Variants in CCDC106 observed in about 807,000 individuals in gnomAD.
CCDC106 encodes the protein coiled-coil domain-containing protein 106.
In CCDC106, 17 loss-of-function variants were observed where a neutral mutation model predicts 24.7. That is an observed-to-expected ratio of 0.69 (90% confidence interval 0.47 to 1.03). The LOEUF (loss-of-function observed/expected upper bound fraction) is 1.03. Among genes scored for constraint, CCDC106 ranks in the 50% least tolerant of loss-of-function variants. The probability of loss-of-function intolerance (pLI) is 0.00; values close to 1 mark genes in which losing one functional copy is unlikely to be tolerated. For synonymous variants in CCDC106, 211 were observed against 161.3 expected, an observed-to-expected ratio of 1.31 and a Z score of -2.34; for missense variants, 337 against 388.9, an observed-to-expected ratio of 0.87 and a Z score of 1.12.
intron 3 of CCDC106, 167 bp downstream of exon 3, chr19:55,649,751 A>G (rs2123648572): frequency 1.6e-6 from 1 of 628,442 alleles, no homozygotes; most frequent in Non-Finnish European, 2.8e-6. Context: ...CTGCCTCCTC[A>G]CTTGATTCCA....
At chr19:55,651,132 G>C (rs1983229668) in intron 3 of CCDC106, 151 bp from the exon 4 acceptor site, 6 of 655,208 alleles carry the variant, frequency 9.2e-6, no homozygotes, top group South Asian at 8.7e-5. Flanking sequence ...TCAGCCACCA[G>C]CGTCTCTACC....
Position 55,653,007 on chromosome 19 carries a change from C to CT in CCDC106, c.*261_*262insT, listed in dbSNP as rs983337638. 1 of 494,036 alleles carries CT rather than the reference C, an allele frequency of 2.0e-6. No individual in the cohort carries two copies. The highest frequency in any genetic ancestry group is 3.6e-6 in the Non-Finnish European group (1 of 276,296). The allele number at this position is 494,036 out of a possible 1,614,324, so 30.6% of individuals were successfully genotyped here. ...GGAAAACCAGGCAGGCGGGTGCCCC[C>CT]CCCTCGAGTGGGGGACTGTACAGAC... On this transcript the variant is annotated 3_prime_UTR_variant, in exon 5 of 5. Transcript: ENST00000586790.
In CCDC106 at chr19:55,652,411, C is replaced by G. The variant is rs764843493; in HGVS notation, c.527-19C>G. ...TGTGCCCTGCCCCTCACTTTCGTGT[C>G]CCCGCCTCCACCCCTCAGTGAAGGA... is the stretch of plus-strand genomic sequence containing the variant. On this transcript the variant is annotated intron_variant, in intron 4 of 4. Transcript: ENST00000586790. The surrounding 1 kb of genome is among the most constrained non-coding windows in gnomAD (Gnocchi z 5.9). The G allele has an allele frequency of 2.5e-6, 4 of 1,574,820 alleles. No individual in the cohort carries two copies. Among genetic ancestry groups the G allele is most frequent in the South Asian group, 2.3e-5 (2 of 86,968 alleles).
At chr19:55,651,951 C>G (rs749394643) in intron 4 of CCDC106, among the ~76,000 whole-genome samples, 3 of 152,120 alleles carry the variant, frequency 2.0e-5, no homozygotes, top group Non-Finnish European at 4.4e-5. Context: ...CGTGAGCCAC[C>G]GCGCATGGCC....
At chr19:55,651,981 A>C (rs4801526) in intron 4 of CCDC106, among the ~76,000 whole-genome samples, 2 of 151,978 alleles carry the variant, frequency 1.3e-5, no homozygotes, top group South Asian at 2.1e-4. Context: ...TTTACTTTTA[A>C]GTTTTGGTCC....
intron 4 of CCDC106, among the ~76,000 whole-genome samples, chr19:55,651,797 G>A (rs1382060112): frequency 2.0e-5 from 3 of 152,076 alleles, no homozygotes; most frequent in Admixed American, 1.3e-4. Context: ...GAGTAGCTGG[G>A]ACTACAGGCA....
At position 55,648,811 on chromosome 19, in the gene CCDC106, T is replaced by G. The variant is rs1288666706; in HGVS notation, c.-236T>G. On this transcript the variant is annotated 5_prime_UTR_variant, in exon 1 of 5. Coordinates refer to ENST00000586790, the MANE Select transcript of CCDC106 (RefSeq NM_001370470.1). ...CCAGGACCTAGGCGGCTGGGCCCCC[T>G]GCCCCTGACTCCAGGAGCCCAGGAG... 1.7e-6 allele frequency: 1 copy of G among 588,904 alleles called. No homozygotes were observed. Among genetic ancestry groups the G allele is most frequent in the African/African-American group, 1.9e-5 (1 of 53,670 alleles). 36.5% of individuals were successfully genotyped at this position (588,904 alleles called of 1,614,324 possible).
In CCDC106 at chr19:55,648,944, A is replaced by G; in HGVS notation, c.-103A>G. Reference sequence around the variant, plus strand: ...CCTCCTGTCTCACTTCACCTCCCCCAGGATGGACCCTCCAGTCCATCTGCG... The same window carrying G: ...CCTCCTGTCTCACTTCACCTCCCCCGGGATGGACCCTCCAGTCCATCTGCG... On this transcript the variant is annotated 5_prime_UTR_variant, in exon 1 of 5. Transcript: ENST00000586790. 2.6e-6 allele frequency: 3 copies of G among 1,153,122 alleles called. No homozygotes were observed. The highest frequency in any genetic ancestry group is 3.9e-6 in the Non-Finnish European group (3 of 766,126). The allele number at this position is 1,153,122 out of a possible 1,614,324, so 71.4% of individuals were successfully genotyped here.
At chr19:55,647,930 C>G (rs1211532876), upstream of CCDC106, 1 of 152,280 alleles carries the variant, frequency 6.6e-6, no homozygotes, top group Non-Finnish European at 1.5e-5. Flanking sequence ...CTCGCCAGCT[C>G]TCCAGGATGG....
intron 2 of CCDC106, 43 bp downstream of exon 2, chr19:55,649,352 C>T (rs767264002): frequency 4.3e-6 from 7 of 1,612,902 alleles, no homozygotes; most frequent in Non-Finnish European, 5.9e-6. Context: ...AGCTGGGAAG[C>T]CAAGCCCTGA....
chr19:55,652,396 C>T lies in CCDC106; in HGVS notation c.527-34C>T. The T allele has an allele frequency of 2.6e-6, 4 of 1,554,816 alleles. No individual in the cohort carries two copies. The highest frequency in any genetic ancestry group is 2.6e-6 in the Non-Finnish European group (3 of 1,142,856). ...CCGCCCCCTCAGTCTTGTGCCCTGC[C>T]CCTCACTTTCGTGTCCCCGCCTCCA... On this transcript the variant is annotated intron_variant, in intron 4 of 4. Coordinates refer to ENST00000586790, the MANE Select transcript of CCDC106 (RefSeq NM_001370470.1). This position sits in a 1 kb window ranked among gnomAD's most constrained non-coding sequence, Gnocchi z 5.9.
At chr19:55,649,638 C>A in intron 3 of CCDC106, 54 bp downstream of exon 3, 1 of 1,530,258 alleles carries the variant, frequency 6.5e-7, no homozygotes, top group Non-Finnish European at 8.9e-7. Flanking sequence ...ACTGGGTACC[C>A]GCTCACCCAG....
chr19:55,648,318 C>A lies in CCDC106; in HGVS notation c.-729C>A, dbSNP rs1002800272. On this transcript the variant is annotated 5_prime_UTR_variant, in exon 1 of 5. Coordinates refer to ENST00000586790, the MANE Select transcript of CCDC106 (RefSeq NM_001370470.1). ...GGGCCTCGGCCCCTCGGACCCCGGG[C>A]ACCCGCGGGCGGGGGATGGTGGCCG... The A allele has an allele frequency of 6.6e-6, 1 of 152,086 alleles. No homozygotes were observed. Among genetic ancestry groups the A allele is most frequent in the African/African-American group, 2.4e-5 (1 of 41,442 alleles). 9.4% of individuals were successfully genotyped at this position (152,086 alleles called of 1,614,324 possible).
At chr19:55,651,180 C>G in intron 3 of CCDC106, 103 bp from the exon 4 acceptor site, 1 of 896,530 alleles carries the variant, frequency 1.1e-6, no homozygotes, top group Non-Finnish European at 1.9e-6. Flanking sequence ...GGGACCAGCC[C>G]AGGTTGGGGG....
At chr19:55,650,737 C>T (rs1015222982) in intron 3 of CCDC106, among the ~76,000 whole-genome samples, 6 of 152,156 alleles carry the variant, frequency 3.9e-5, no homozygotes, top group Admixed American at 2.0e-4. Context: ...CCTGCGGCTT[C>T]GGCACTTTCC....
Position 55,649,013 on chromosome 19 carries a change from C to T in CCDC106, c.-34C>T, listed in dbSNP as rs747693913. ...CCGTTTCTGTCCAGTGCCCCTGAGG[C>T]CCTCGGCTGCTGGGGTCCGTAGGAA... On this transcript the variant is annotated 5_prime_UTR_variant, in exon 1 of 5. Coordinates refer to ENST00000586790, the MANE Select transcript of CCDC106 (RefSeq NM_001370470.1). The T allele has an allele frequency of 2.5e-5, 41 of 1,610,578 alleles. No individual in the cohort carries two copies. In the Admixed American group the frequency reaches 5.5e-4, roughly 22 times the overall value.
chr19:55,651,743 T>G (rs1262285553), intron 4 of CCDC106, among the ~76,000 whole-genome samples: 1 of 151,734 alleles, frequency 6.6e-6, no homozygotes, highest in Admixed American at 6.6e-5. Context: ...CTCACTGGAA[T>G]CTCCGCCTCC....
At position 55,652,674 on chromosome 19, in the gene CCDC106, G is replaced by A. The variant is rs774127475; in HGVS notation, c.771G>A (p.Glu257=). The A allele has an allele frequency of 6.2e-7, 1 of 1,613,130 alleles. No individual in the cohort carries two copies. Among genetic ancestry groups the A allele is most frequent in the South Asian group, 1.1e-5 (1 of 91,080 alleles). The change falls in exon 5 of 5, where the codon GAG becomes GAA. Residue 257 remains glutamate (E), a synonymous_variant. Transcript: ENST00000586790. This position sits in a 1 kb window ranked among gnomAD's most constrained non-coding sequence, Gnocchi z 5.9. ...SRRCFLALDD[E]TLKKVQALKK... ...GCTGCTTTCTGGCCCTGGACGACGA[G>A]ACGCTCAAGAAGGTGCAGGCGCTCA...
chr19:55,652,579 G>T lies in CCDC106; in HGVS notation c.676G>T (p.Ala226Ser). ...TTPIAELLIV[A>S]PEKLAEVGEF... ...GCCCATCGCCGAGCTGCTCATTGTG[G>T]CCCCCGAGAAGCTGGCCGAGGTGGG... Residue 226 changes from alanine to serine, a missense_variant, in exon 5 of 5, where the codon GCC (alanine) becomes TCC (serine). Around this residue, in one of 2 missense-constraint regions of CCDC106, gnomAD observed 103 missense variants for 152.4 expected, o/e 0.68. Coordinates refer to ENST00000586790, the MANE Select transcript of CCDC106 (RefSeq NM_001370470.1). This position sits in a 1 kb window ranked among gnomAD's most constrained non-coding sequence, Gnocchi z 5.9. 6.2e-7 allele frequency: 1 copy of T among 1,613,370 alleles called. No individual in the cohort carries two copies. The highest frequency in any genetic ancestry group is 8.5e-7 in the Non-Finnish European group (1 of 1,179,912).
Sources: gnomAD v4.1 joint callset for allele counts (sites outside exome capture counted in the v4.1 genomes callset) on GRCh38, gnomAD v4.1.1 for gene constraint, gnomAD v4.1.1 regional missense constraint, Gnocchi (gnomAD v3.1) non-coding constraint, MANE v1.5 for transcripts, NCBI Gene and HGNC (gene_info 2026-07-23, HGNC 2026-07-21) for gene names.